COL25A1: variants seen among roughly 807,000 people sequenced by gnomAD.
COL25A1 encodes the protein collagen alpha-1(XXV) chain.
Under a neutral mutation model 128.4 loss-of-function variants are expected in COL25A1, and 103 were observed. That is an observed-to-expected ratio of 0.80 (90% CI 0.68 to 0.94). The LOEUF (loss-of-function observed/expected upper bound fraction) is 0.94. COL25A1 is among the 40% of genes least tolerant of loss of function. COL25A1 has a pLI of 0.00. For synonymous variants in COL25A1, 279 were observed against 277.2 expected (o/e 1.01, Z -0.06); for missense variants, 745 against 840.0 (o/e 0.89, Z 1.40).
intron 8 of COL25A1, among the ~76,000 whole-genome samples, chr4:108,971,166 CTATT>C (rs1397595374): frequency 6.6e-6 from 1 of 152,084 alleles, no homozygotes; most frequent in Admixed American, 6.6e-5. Flanking sequence ...CTTGGTATAT[CTATT>C]TGAGGGATAT....
intron 6 of COL25A1, among the ~76,000 whole-genome samples, chr4:108,986,166 C>T (rs906299115): frequency 1.1e-4 from 17 of 152,322 alleles, no homozygotes; most frequent in African/African-American, 3.8e-4. Flanking sequence ...CTACAAGCCT[C>T]TGTTGGCCTT....
At chr4:108,865,770 T>C (rs1048183445) in intron 20 of COL25A1, among the ~76,000 whole-genome samples, 2 of 152,198 alleles carry the variant, frequency 1.3e-5, no homozygotes, top group African/African-American at 4.8e-5. Flanking sequence ...CATTTATATA[T>C]TTTTAGAGAG....
At chr4:108,949,785 T>C (rs1382095540) in intron 8 of COL25A1, among the ~76,000 whole-genome samples, 1 of 152,080 alleles carries the variant, frequency 6.6e-6, no homozygotes, top group Non-Finnish European at 1.5e-5. Flanking sequence ...TCCTCCCACC[T>C]CGGCCTCCCA....
chr4:109,144,763 T>C (rs562151955), intron 3 of COL25A1, among the ~76,000 whole-genome samples: 1 of 152,200 alleles, frequency 6.6e-6, no homozygotes, highest in Non-Finnish European at 1.5e-5. Flanking sequence ...ATTGTGTAAG[T>C]ATTCAGAAAC....
chr4:109,186,153 C>A lies in COL25A1; in HGVS notation c.367+114430G>T, dbSNP rs574977197. Among the ~76,000 whole-genome samples the A allele has an allele frequency of 2.0e-5, 3 of 150,586 alleles. No homozygotes were observed. The South Asian group carries it at 6.7e-4, about 34-fold the overall frequency. ...GAATGAATGAGATGAAAGAGAAGCACGTGGAAATCTCCTTCCCATGGACCA... is the reference window on the plus strand; with the variant it reads ...GAATGAATGAGATGAAAGAGAAGCAAGTGGAAATCTCCTTCCCATGGACCA... On this transcript the variant is annotated intron_variant, in intron 3 of 37. Coordinates refer to ENST00000399132, the MANE Select transcript of COL25A1 (RefSeq NM_198721.4).
At position 108,937,835 on chromosome 4, in the gene COL25A1, T is replaced by C. The variant is rs1476464049; in HGVS notation, c.681A>G (p.Pro227=). Reference sequence around the variant, plus strand: ...TCAAGCCTTGTTCTCCTGGCTTTCCTGGTTCACCCTTAAAAAAGAATAGTG... The same window carrying C: ...TCAAGCCTTGTTCTCCTGGCTTTCCCGGTTCACCCTTAAAAAAGAATAGTG... ...PRGMPGVPGE[P]GKPGEQGLMG... Residue 227 remains proline, a synonymous_variant, in exon 11 of 38, where the codon CCA becomes CCG. Transcript: ENST00000399132. 1 of 1,607,926 alleles carries C rather than the reference T, an allele frequency of 6.2e-7. No individual in the cohort carries two copies. Among genetic ancestry groups the C allele is most frequent in the East Asian group, 2.2e-5 (1 of 44,688 alleles).
chr4:109,187,861 T>A (rs1488990793), intron 3 of COL25A1, among the ~76,000 whole-genome samples: 2 of 152,112 alleles, frequency 1.3e-5, no homozygotes, highest in South Asian at 2.1e-4. Flanking sequence ...AAAATTAAAT[T>A]AAATTAAAAT....
chr4:109,071,339 A>G (rs1762956868), intron 3 of COL25A1, among the ~76,000 whole-genome samples: 1 of 152,212 alleles, frequency 6.6e-6, no homozygotes, highest in Non-Finnish European at 1.5e-5. Context: ...AAAACCATAA[A>G]AACCCTAGAA....
At chr4:109,145,522 T>G (rs923961240) in intron 3 of COL25A1, among the ~76,000 whole-genome samples, 1 of 152,248 alleles carries the variant, frequency 6.6e-6, no homozygotes, top group Non-Finnish European at 1.5e-5. Flanking sequence ...GGTCAAATAC[T>G]AAAGTTCAGT....
chr4:108,920,664 A>G (rs1219264738), intron 11 of COL25A1, 60 bp from the exon 12 acceptor site: 1 of 1,248,046 alleles, frequency 8.0e-7, no homozygotes, highest in Middle Eastern at 1.9e-4. Flanking sequence ...TTAGATGACC[A>G]ATTTAAACTG....
At chr4:108,873,859 C>G (rs963502766) in intron 19 of COL25A1, among the ~76,000 whole-genome samples, 2 of 151,922 alleles carry the variant, frequency 1.3e-5, no homozygotes, top group Non-Finnish European at 2.9e-5. Context: ...GAGTTTTCTT[C>G]CTTCAAAGAC....
intron 3 of COL25A1, among the ~76,000 whole-genome samples, chr4:109,152,880 T>A (rs193217564): frequency 6.6e-6 from 1 of 151,236 alleles, no homozygotes; most frequent in East Asian, 1.9e-4. Flanking sequence ...ATCGGGGGAG[T>A]ACTGAGGGGT....
At chr4:109,295,643 G>A (rs1724904078) in intron 3 of COL25A1, among the ~76,000 whole-genome samples, 1 of 152,036 alleles carries the variant, frequency 6.6e-6, no homozygotes, top group Non-Finnish European at 1.5e-5. Context: ...ATGTGAGAAA[G>A]TAAATTTATG....
chr4:109,257,147 T>C (rs1781137165), intron 3 of COL25A1, among the ~76,000 whole-genome samples: 1 of 152,214 alleles, frequency 6.6e-6, no homozygotes, highest in Non-Finnish European at 1.5e-5. Flanking sequence ...TCTGTACAAA[T>C]AAAATTTCTA....
chr4:109,085,452 G>T (rs568720172), intron 3 of COL25A1, among the ~76,000 whole-genome samples: 6 of 151,942 alleles, frequency 3.9e-5, no homozygotes, highest in Non-Finnish European at 8.8e-5. Flanking sequence ...CACTTACTCC[G>T]TCTCAATTTA....
At chr4:108,915,190 AT>A (rs1201148187) in intron 13 of COL25A1, among the ~76,000 whole-genome samples, 1 of 152,240 alleles carries the variant, frequency 6.6e-6, no homozygotes, top group African/African-American at 2.4e-5. Flanking sequence ...CATTACAAAA[AT>A]AAGTATTCAG....
intron 36 of COL25A1, among the ~76,000 whole-genome samples, chr4:108,818,829 AT>A (rs1470711515): frequency 6.6e-6 from 1 of 151,302 alleles, no homozygotes; most frequent in African/African-American, 2.4e-5. Flanking sequence ...TTATAGCCTG[AT>A]TGAAATATAG....
In COL25A1 at chr4:108,863,330, G is replaced by A; in HGVS notation, c.1141C>T (p.Pro381Ser). ...TAAGAATAACTCACCTTTGGTCCGG[G>A]GGCTCCAGGTTCCCCTCGCTCACCT... is the stretch of plus-strand genomic sequence containing the variant. ...GRGERGEPGAPGPKGKQGESG... is the reference protein window; with the variant it reads ...GRGERGEPGASGPKGKQGESG... The change falls in exon 21 of 38, where the codon CCC (proline) becomes TCC (serine). Residue 381 changes from proline to serine, a missense_variant. Physicochemically the swap from Pro to Ser is moderately conservative, Grantham distance 74 (BLOSUM62 -1). Around this residue, in one of 3 missense-constraint regions of COL25A1, gnomAD observed 387 missense variants for 441.9 expected, o/e 0.88. Coordinates refer to ENST00000399132, the MANE Select transcript of COL25A1 (RefSeq NM_198721.4). 6 of 1,613,558 alleles carry A rather than the reference G, an allele frequency of 3.7e-6. No individual in the cohort carries two copies. Among genetic ancestry groups the A allele is most frequent in the East Asian group, 2.2e-5 (1 of 44,834 alleles).
chr4:108,880,144 G>T (rs535037400), intron 19 of COL25A1, among the ~76,000 whole-genome samples: 1 of 152,270 alleles, frequency 6.6e-6, no homozygotes, highest in Admixed American at 6.5e-5. Context: ...TCTTGGGTTA[G>T]GTAACATTGA....
Sources: allele counts gnomAD v4.1 joint callset (sites outside exome capture counted in the v4.1 genomes callset), GRCh38; gene constraint gnomAD v4.1.1; regional missense constraint gnomAD v4.1.1; transcripts MANE v1.5; gene names NCBI Gene and HGNC (gene_info 2026-07-23, HGNC 2026-07-21).